Variants in MAP1LC3C observed in about 807,000 individuals in gnomAD.
MAP1LC3C encodes the protein microtubule-associated protein 1 light chain 3 gamma.
In MAP1LC3C, 12 loss-of-function variants were observed where a neutral mutation model predicts 10.4. The ratio of observed to expected loss-of-function variants is 1.15; its 90% CI spans 0.74 to 1.86. MAP1LC3C has a LOEUF of 1.86. MAP1LC3C is among the 40% of genes most tolerant of loss of function. The pLI is 0.00. For missense variants in MAP1LC3C, 177 were observed against 185.7 expected (o/e 0.95, Z 0.27); for synonymous variants, 70 against 69.0 (o/e 1.01, Z -0.07).
At chr1:242,001,035 G>A (rs914115396), upstream of MAP1LC3C, among the ~76,000 whole-genome samples, 4 of 152,126 alleles carry the variant, frequency 2.6e-5, no homozygotes, top group Non-Finnish European at 5.9e-5. Flanking sequence ...CAGCACTTTG[G>A]GAGACCAAGG....
upstream of MAP1LC3C, among the ~76,000 whole-genome samples, chr1:242,000,994 TG>T (rs1358790323): frequency 2.2e-4 from 33 of 152,038 alleles, no homozygotes; most frequent in African/African-American, 8.0e-4. Flanking sequence ...AGACACTTAT[TG>T]CCGGGCATGG....
Position 241,998,900 on chromosome 1 carries a change from A to C in MAP1LC3C, c.58+51T>G, listed in dbSNP as rs368218289. On this transcript the variant is annotated intron_variant, in intron 1 of 3. Transcript: ENST00000357246. ...AAGAAGCAAAGATCAAGAGAAGGCC[A>C]GATCCGCTCCTCTCTTTAGATAACC... The C allele has an allele frequency of 1.3e-5, 21 of 1,613,366 alleles. No individual in the cohort carries two copies. The African/African-American group carries it at 2.7e-4, about 21-fold the overall frequency.
rs752620963 is a variant in MAP1LC3C, at chr1:241,998,547, T to A, written c.188A>T (p.Glu63Val). 3 of 1,614,000 alleles carry A rather than the reference T, an allele frequency of 1.9e-6. No homozygotes were observed. In the Admixed American group the frequency reaches 5.0e-5, roughly 27 times the overall value. ...GCTGAGGAACTGGGTCATGGTCAGCTCCTGCGGGACCAGGAACTTGGTTTT... is the reference window on the plus strand; with the variant it reads ...GCTGAGGAACTGGGTCATGGTCAGCACCTGCGGGACCAGGAACTTGGTTTT... ...LDKTKFLVPQ[E>V]LTMTQFLSII... The change falls in exon 3 of 4, where the codon GAG becomes GTG. Residue 63 changes from glutamate (E) to valine (V), a missense_variant. Coordinates refer to ENST00000357246, the MANE Select transcript of MAP1LC3C (RefSeq NM_001004343.3).
intron 3 of MAP1LC3C, among the ~76,000 whole-genome samples, chr1:241,996,909 C>CA (rs71174887): frequency 2.8e-4 from 12 of 42,774 alleles, no homozygotes; most frequent in Admixed American, 1.3e-3. Flanking sequence ...GACTGCGTCT[C>CA]AAAAAAAAAA....
At chr1:241,997,389 G>A (rs1471684698) in intron 3 of MAP1LC3C, among the ~76,000 whole-genome samples, 2 of 152,146 alleles carry the variant, frequency 1.3e-5, no homozygotes, top group East Asian at 3.9e-4. Context: ...GCACGGTGGT[G>A]CTTTCCTGTA....
In MAP1LC3C at chr1:241,998,798, G is replaced by A; in HGVS notation, c.92C>T (p.Ala31Val). 1 of 1,613,990 alleles carries A rather than the reference G, an allele frequency of 6.2e-7. No homozygotes were observed. Among genetic ancestry groups the A allele is most frequent in the Non-Finnish European group, 8.5e-7 (1 of 1,180,010 alleles). ...IRQEEVAGIR[A>V]KFPNKIPVVV... ...TACCGGGATTTTGTTGGGGAACTTT[G>A]CCCGGATTCCAGCAACTTCCTCTTG... Residue 31 changes from alanine (A) to valine (V), a missense_variant, in exon 2 of 4, where the codon GCA (alanine) becomes GTA (valine). Physicochemically the swap from Ala to Val is moderately conservative, Grantham distance 64. Coordinates refer to ENST00000357246, the MANE Select transcript of MAP1LC3C (RefSeq NM_001004343.3).
chr1:241,996,909 C>CAAAAAGAAAAAAAA (rs1665095508), intron 3 of MAP1LC3C, among the ~76,000 whole-genome samples: 1 of 42,762 alleles, frequency 2.3e-5, no homozygotes, highest in Non-Finnish European at 4.2e-5. Flanking sequence ...GACTGCGTCT[C>CAAAAAGAAAAAAAA]AAAAAAAAAA....
Position 241,997,377 on chromosome 1 carries a change from G to A in MAP1LC3C, c.222-992C>T, listed in dbSNP as rs372765770. On this transcript the variant is annotated intron_variant, in intron 3 of 3. Transcript: ENST00000357246. ...CTACAGAACATTTTTAAAATTAGCCGGGCACGGTGGTGCTTTCCTGTAGTC... is the reference window on the plus strand; with the variant it reads ...CTACAGAACATTTTTAAAATTAGCCAGGCACGGTGGTGCTTTCCTGTAGTC... 5.3e-5 allele frequency among the ~76,000 whole-genome samples: 8 copies of A among 152,200 alleles called. No homozygotes were observed. In the East Asian group the frequency reaches 5.8e-4, roughly 11 times the overall value.
At position 241,998,021 on chromosome 1, in the gene MAP1LC3C, CTT is replaced by C. The variant is rs58237405; in HGVS notation, c.221+491_221+492del. 5.0e-3 allele frequency among the ~76,000 whole-genome samples: 480 copies of C among 95,372 alleles called. 3 individuals carry two copies. The highest frequency in any genetic ancestry group is 0.017 in the South Asian group (48 of 2,758). The allele number at this position is 95,372 out of a possible 152,430, so 62.6% of individuals were successfully genotyped here. On this transcript the variant is annotated intron_variant, in intron 3 of 3. Transcript: ENST00000357246. ...CTTACCTGTTTAAAATAGAGTAATT[CTT>C]TTTTTTTTTTTTTTTTTTTTGAGAC...
intron 3 of MAP1LC3C, among the ~76,000 whole-genome samples, chr1:241,998,018 A>ATTATTTTTTT (rs1558179174): frequency 1.1e-5 from 1 of 89,452 alleles, no homozygotes; most frequent in Non-Finnish European, 2.1e-5. Flanking sequence ...AAATAGAGTA[A>ATTATTTTTTT]TTCTTTTTTT....
chr1:241,996,860 G>A (rs1474244178), intron 3 of MAP1LC3C, among the ~76,000 whole-genome samples: 10 of 115,356 alleles, frequency 8.7e-5, no homozygotes, highest in Admixed American at 5.1e-4. Flanking sequence ...GCAGTGAGCC[G>A]AAATTGCGCC....
intron 3 of MAP1LC3C, among the ~76,000 whole-genome samples, chr1:241,998,021 C>CTTTTT (rs58237405): frequency 1.5e-4 from 14 of 95,420 alleles, no homozygotes; most frequent in African/African-American, 4.6e-4. Context: ...TAGAGTAATT[C>CTTTTT]TTTTTTTTTT....
intron 3 of MAP1LC3C, 33 bp from the exon 4 acceptor site, chr1:241,996,418 C>A: frequency 6.4e-7 from 1 of 1,570,036 alleles, no homozygotes; most frequent in Non-Finnish European, 8.7e-7. Context: ...GAGGGTATGG[C>A]CTGCGAGACA....
chr1:241,998,450 G>GA (rs1665130575), intron 3 of MAP1LC3C, 64 bp downstream of exon 3: 2 of 1,419,182 alleles, frequency 1.4e-6, no homozygotes, highest in Non-Finnish European at 2.0e-6. Flanking sequence ...GCCAAACGAA[G>GA]AAAGCCCAAC....
At chr1:241,999,335 G>A (rs115027165), upstream of MAP1LC3C, among the ~76,000 whole-genome samples, 345 of 152,298 alleles carry the variant, frequency 2.3e-3, 1 homozygote, top group South Asian at 5.2e-3. Flanking sequence ...AGCGGACTGT[G>A]GAGAGGTAAA....
rs761102459 is a variant in MAP1LC3C, at chr1:241,998,505, G to A, written c.221+9C>T. On this transcript the variant is annotated intron_variant, in intron 3 of 3. Transcript: ENST00000357246. ...CACCTTCCTCCGGGGCACGCTCTGCGCCACCTACCGGATGATGCTGAGGAA... is the reference window on the plus strand; with the variant it reads ...CACCTTCCTCCGGGGCACGCTCTGCACCACCTACCGGATGATGCTGAGGAA... The A allele has an allele frequency of 8.1e-6, 13 of 1,612,626 alleles. No individual in the cohort carries two copies. The Admixed American group carries it at 2.2e-4, about 27-fold the overall frequency.
At chr1:242,001,338 G>A (rs1260586081), upstream of MAP1LC3C, among the ~76,000 whole-genome samples, 1 of 151,928 alleles carries the variant, frequency 6.6e-6, no homozygotes. Flanking sequence ...ATTCCACCAG[G>A]TGCAGTGGCT....
chr1:241,998,937 C>T lies in MAP1LC3C; in HGVS notation c.58+14G>A, dbSNP rs1408427289. ...CTCTTTAGATAACCCAGAAAGCTAC[C>T]CCAAGAAATTTACCCAAGCTTTTCC... On this transcript the variant is annotated intron_variant, in intron 1 of 3. Coordinates refer to ENST00000357246, the MANE Select transcript of MAP1LC3C (RefSeq NM_001004343.3). 1.2e-6 allele frequency: 2 copies of T among 1,610,650 alleles called. No individual in the cohort carries two copies. Among genetic ancestry groups the T allele is most frequent in the Non-Finnish European group, 1.7e-6 (2 of 1,179,276 alleles).
In MAP1LC3C at chr1:241,998,993, T is replaced by C. The variant is rs556720846; in HGVS notation, c.16A>G (p.Lys6Glu). MPPPQ[K>E]IPSVRPFKQR... is the part of the protein sequence containing the mutation. ...TTGAAGGGTCTGACGCTTGGGATTT[T>C]CTGTGGAGGCGGCATTGCACTCAGT... Residue 6 changes from lysine (K) to glutamate (E), a missense_variant, in exon 1 of 4, where the codon AAA (lysine) becomes GAA (glutamate). Coordinates refer to ENST00000357246, the MANE Select transcript of MAP1LC3C (RefSeq NM_001004343.3). 6.2e-6 allele frequency: 10 copies of C among 1,609,780 alleles called. No homozygotes were observed. In the African/African-American group the frequency reaches 8.1e-5, roughly 13 times the overall value.
Sources: gnomAD v4.1 joint callset for allele counts (sites outside exome capture counted in the v4.1 genomes callset) on GRCh38, gnomAD v4.1.1 for gene constraint, MANE v1.5 for transcripts, NCBI Gene and HGNC (gene_info 2026-07-23, HGNC 2026-07-21) for gene names.